CAST: variants seen among roughly 807,000 people sequenced by gnomAD.
The protein encoded by CAST is calpastatin.
In CAST, 76 loss-of-function variants were observed where a neutral mutation model predicts 119.6. The ratio of observed to expected loss-of-function variants is 0.64; its 90% CI spans 0.53 to 0.77. The LOEUF is 0.77. Among genes scored for constraint, CAST ranks in the 30% least tolerant of loss-of-function variants. The probability of loss-of-function intolerance (pLI) is 0.00; values close to 1 mark genes in which losing one functional copy is unlikely to be tolerated. For missense variants in CAST, 953 were observed against 946.5 expected, an observed-to-expected ratio of 1.01 and a Z score of -0.09; for synonymous variants, 319 against 331.6, an observed-to-expected ratio of 0.96 and a Z score of 0.41.
chr5:96,482,232 G>A, the CAST span, among the ~76,000 whole-genome samples: 2 of 151,980 alleles, frequency 1.3e-5, no homozygotes, highest in Non-Finnish European at 2.9e-5. Flanking sequence ...CTCATACTGG[G>A]GAAGAAGAAA....
At chr5:96,382,790 G>A in the CAST span, among the ~76,000 whole-genome samples, 6 of 152,196 alleles carry the variant, frequency 3.9e-5, no homozygotes, top group Non-Finnish European at 8.8e-5. Context: ...GAAAGGAAGA[G>A]TAATCCATCC....
the CAST span, among the ~76,000 whole-genome samples, chr5:96,472,990 A>G: frequency 6.6e-6 from 1 of 152,146 alleles, no homozygotes; most frequent in African/African-American, 2.4e-5. Context: ...GCATAACTCC[A>G]ATCTCTGCTC....
At chr5:96,501,629 A>G in the CAST span, among the ~76,000 whole-genome samples, 54,197 of 152,074 alleles carry the variant, frequency 0.36, 10,141 homozygotes, top group East Asian at 0.56. Context: ...CATTTTTTCT[A>G]AAGTAGAATA....
the CAST span, chr5:96,398,728 A>G: frequency 4.2e-6 from 3 of 707,420 alleles, no homozygotes; most frequent in Admixed American, 4.3e-5. Flanking sequence ...GAGATCTAAC[A>G]CCAAGAAAAA....
chr5:96,400,678 CTT>C, the CAST span, among the ~76,000 whole-genome samples: 12 of 152,152 alleles, frequency 7.9e-5, no homozygotes, highest in African/African-American at 2.9e-4. Flanking sequence ...CATGTATTGC[CTT>C]TTTCTTTATC....
At chr5:96,714,373 A>G (rs1756817350) in intron 3 of CAST, among the ~76,000 whole-genome samples, 1 of 152,218 alleles carries the variant, frequency 6.6e-6, no homozygotes, top group East Asian at 1.9e-4. Context: ...ATAGCATATA[A>G]TATTAGAACT....
the CAST span, chr5:96,408,258 C>T: frequency 6.2e-7 from 1 of 1,614,102 alleles, no homozygotes; most frequent in South Asian, 1.1e-5. Context: ...TGCCAGCAGC[C>T]AGAGGTGCAG....
chr5:96,327,973 A>G, the CAST span, among the ~76,000 whole-genome samples: 1 of 152,226 alleles, frequency 6.6e-6, no homozygotes, highest in South Asian at 2.1e-4. Context: ...CTTTCCTGCC[A>G]TCCGGCTTCC....
the CAST span, among the ~76,000 whole-genome samples, chr5:96,263,591 G>A: frequency 3.4e-5 from 5 of 148,058 alleles, no homozygotes; most frequent in African/African-American, 1.3e-4. Flanking sequence ...AAAAGTTGTA[G>A]GATAGCAAAT....
chr5:96,259,598 A>G, the CAST span, among the ~76,000 whole-genome samples: 2 of 152,178 alleles, frequency 1.3e-5, no homozygotes, highest in Admixed American at 1.3e-4. Flanking sequence ...TATACCTCCG[A>G]TCACAGTGAG....
intron 16 of CAST, 149 bp downstream of exon 16, chr5:96,742,905 A>G: frequency 1.6e-6 from 1 of 639,982 alleles, no homozygotes; most frequent in African/African-American, 1.8e-5. Context: ...CTGAGTGGTT[A>G]GCAACTAAGG....
At chr5:96,768,025 C>A (rs779578973) in intron 29 of CAST, 26 bp downstream of exon 29, 3 of 1,404,178 alleles carry the variant, frequency 2.1e-6, no homozygotes, top group Non-Finnish European at 3.0e-6. Flanking sequence ...ACATTTCACT[C>A]TTTGAAATGT....
At chr5:95,982,518 G>A in the CAST span, among the ~76,000 whole-genome samples, 1 of 152,204 alleles carries the variant, frequency 6.6e-6, no homozygotes, top group African/African-American at 2.4e-5. Flanking sequence ...TGTTGGCCAA[G>A]TGACTTATCA....
chr5:95,969,818 T>A, the CAST span, among the ~76,000 whole-genome samples: 1 of 152,288 alleles, frequency 6.6e-6, no homozygotes, highest in South Asian at 2.1e-4. Context: ...TGGCAGGCAT[T>A]TGAAAATGTG....
intron 1 of CAST, among the ~76,000 whole-genome samples, chr5:96,578,544 A>T (rs1746716486): frequency 6.6e-6 from 1 of 152,172 alleles, no homozygotes. Flanking sequence ...TACTTCAGAA[A>T]AAAAAATTAA....
chr5:96,007,622 G>GTGCGGCACTGAAGAAAGGCCATGTGA, the CAST span, among the ~76,000 whole-genome samples: 1 of 13,568 alleles, frequency 7.4e-5, no homozygotes. Context: ...AGAGGAAGAT[G>GTGCGGCACTGAAGAAAGGCCATGTGA]GGGCCGGGCG....
the CAST span, among the ~76,000 whole-genome samples, chr5:96,002,495 T>C: frequency 1.3e-5 from 2 of 152,174 alleles, no homozygotes; most frequent in African/African-American, 2.4e-5. Flanking sequence ...GAAGAGAGAC[T>C]CTTTGGGATC....
chr5:96,427,750 A>G, the CAST span, among the ~76,000 whole-genome samples: 2 of 152,202 alleles, frequency 1.3e-5, no homozygotes, highest in Admixed American at 1.3e-4. Flanking sequence ...TTTGAGTTCT[A>G]TGTGCATTAA....
chr5:96,091,832 A>G, the CAST span, among the ~76,000 whole-genome samples: 16 of 152,138 alleles, frequency 1.1e-4, no homozygotes, highest in Admixed American at 1.0e-3. Context: ...TGATTTCTTC[A>G]TGTGATACAG....
Sources: gnomAD v4.1 joint callset for allele counts (sites outside exome capture counted in the v4.1 genomes callset) on GRCh38, gnomAD v4.1.1 for gene constraint, MANE v1.5 for transcripts, NCBI Gene and HGNC (gene_info 2026-07-23, HGNC 2026-07-21) for gene names.